The following MARCHF8 variants were observed in gnomAD, a reference collection of about 807,000 sequenced individuals.
The protein encoded by MARCHF8 is E3 ubiquitin-protein ligase MARCHF8.
In MARCHF8, 40 loss-of-function variants were observed where a neutral mutation model predicts 51.6. The ratio of observed to expected loss-of-function variants is 0.77; its 90% confidence interval spans 0.60 to 1.01. The LOEUF is 1.01. Among genes scored for constraint, MARCHF8 ranks in the 50% least tolerant of loss-of-function variants. MARCHF8 has a pLI of 0.00. For missense variants in MARCHF8, 685 were observed against 708.6 expected, an observed-to-expected ratio of 0.97 and a Z score of 0.38; for synonymous variants, 263 against 280.3, an observed-to-expected ratio of 0.94 and a Z score of 0.62.
chr10:45,518,792 C>A (rs753714651), intron 2 of MARCHF8, among the ~76,000 whole-genome samples: 31 of 152,210 alleles, frequency 2.0e-4, no homozygotes, highest in Non-Finnish European at 3.7e-4. Flanking sequence ...TGGTATGGTT[C>A]TAGAGCCCTC....
chr10:45,576,934 G>T (rs2044496354), intron 1 of MARCHF8, among the ~76,000 whole-genome samples: 1 of 147,872 alleles, frequency 6.8e-6, no homozygotes, highest in African/African-American at 2.5e-5. Context: ...TCCAGCCTGG[G>T]TGATAAAGTG....
chr10:45,511,851 G>A (rs866921345), intron 2 of MARCHF8, among the ~76,000 whole-genome samples: 123 of 151,870 alleles, frequency 8.1e-4, no homozygotes, highest in African/African-American at 2.8e-3. Flanking sequence ...AGTGAGGAGC[G>A]TCTCTGCCTG....
Position 45,457,891 on chromosome 10 carries a change from G to C in MARCHF8, c.*348C>G. 1 of 243,442 alleles carries C rather than the reference G, an allele frequency of 4.1e-6. No homozygotes were observed. The highest frequency in any genetic ancestry group is 7.8e-6 in the Non-Finnish European group (1 of 128,676). The allele number at this position is 243,442 out of a possible 1,614,324, so 15.1% of individuals were successfully genotyped here. A position where few individuals can be genotyped will look rare whatever the true frequency, so the allele number is the denominator to read the frequency against. On this transcript the variant is annotated 3_prime_UTR_variant, in exon 8 of 8. Transcript: ENST00000453424. ...GACCACTGCAAGCTGGAGGCGGCTG[G>C]GTATCAGGGCCTGGGCACCCCTGCT...
chr10:45,526,995 G>A (rs1316844694), intron 2 of MARCHF8, among the ~76,000 whole-genome samples: 2 of 152,042 alleles, frequency 1.3e-5, no homozygotes, highest in Non-Finnish European at 2.9e-5. Flanking sequence ...ACAAATACAT[G>A]GAAATTAACC....
At chr10:45,573,910 A>G (rs1354628488) in intron 1 of MARCHF8, among the ~76,000 whole-genome samples, 1 of 151,888 alleles carries the variant, frequency 6.6e-6, no homozygotes, top group Non-Finnish European at 1.5e-5. Context: ...CTTGGACAAT[A>G]CTCTTTTAAG....
rs1388610548 is a variant in MARCHF8 at position 45,464,044 on chromosome 10, T to A, written c.243-48A>T. ...AAAGCACAGAAAGTAAAAACAATTT[T>A]AAAAGAGAATAGACATCATAGTGAA... On this transcript the variant is annotated intron_variant, in intron 4 of 7. Coordinates refer to ENST00000453424, the MANE Select transcript of MARCHF8 (RefSeq NM_001282866.2). The A allele has an allele frequency of 8.0e-6, 12 of 1,503,784 alleles. No homozygotes were observed. The South Asian group carries it at 1.0e-4, about 13-fold the overall frequency. 93.2% of individuals were successfully genotyped at this position (1,503,784 alleles called of 1,614,324 possible). A position where few individuals can be genotyped will look rare whatever the true frequency, so the allele number is the denominator to read the frequency against.
At chr10:45,568,770 A>T (rs1312192884) in intron 1 of MARCHF8, among the ~76,000 whole-genome samples, 2 of 151,258 alleles carry the variant, frequency 1.3e-5, no homozygotes, top group Non-Finnish European at 2.9e-5. Context: ...GGTGAGCTTT[A>T]AAAAAATTGC....
chr10:45,459,312 G>C, intron 6 of MARCHF8, 45 bp from the exon 7 acceptor site: 1 of 1,601,428 alleles, frequency 6.2e-7, no homozygotes, highest in Middle Eastern at 1.7e-4. Flanking sequence ...TCTGGGGAAG[G>C]GCTCCGGTGG....
chr10:45,472,625 T>C (rs1369949071), intron 3 of MARCHF8, among the ~76,000 whole-genome samples: 3 of 152,358 alleles, frequency 2.0e-5, no homozygotes, highest in African/African-American at 4.8e-5. Context: ...CGCTGTATAC[T>C]TGTGGAAGAA....
At chr10:45,478,326 CAT>C (rs1310869491) in intron 3 of MARCHF8, among the ~76,000 whole-genome samples, 1 of 151,990 alleles carries the variant, frequency 6.6e-6, no homozygotes, top group Non-Finnish European at 1.5e-5. Flanking sequence ...AAGGAGAAAA[CAT>C]AAAAATGCCT....
In MARCHF8 at chr10:45,505,432, G is replaced by C. The variant is rs1026985286; in HGVS notation, c.103-16015C>G. ...GTTGCTATCGCCAAATTCTGTTACA[G>C]TTAAGTTGCTATCCATTTATTTGTT... On this transcript the variant is annotated intron_variant, in intron 2 of 7. Coordinates refer to ENST00000453424, the MANE Select transcript of MARCHF8 (RefSeq NM_001282866.2). Among the ~76,000 whole-genome samples the C allele has an allele frequency of 2.0e-5, 3 of 152,212 alleles. No homozygotes were observed. In the South Asian group the frequency reaches 6.2e-4, roughly 32 times the overall value.
At chr10:45,485,053 T>C (rs1357890054) in intron 3 of MARCHF8, among the ~76,000 whole-genome samples, 2 of 152,152 alleles carry the variant, frequency 1.3e-5, no homozygotes, top group East Asian at 3.8e-4. Context: ...GCCTGGGAAG[T>C]GGCTGGGATG....
At chr10:45,504,306 A>C (rs1008930495) in intron 2 of MARCHF8, among the ~76,000 whole-genome samples, 1 of 152,162 alleles carries the variant, frequency 6.6e-6, no homozygotes, top group Non-Finnish European at 1.5e-5. Flanking sequence ...TTAGTGGGCA[A>C]GGTGGCACAT....
At chr10:45,568,864 C>T (rs945800354) in intron 1 of MARCHF8, among the ~76,000 whole-genome samples, 12 of 151,536 alleles carry the variant, frequency 7.9e-5, no homozygotes, top group African/African-American at 2.9e-4. Flanking sequence ...GTCAGGAGAT[C>T]GAGACCATCT....
chr10:45,498,697 A>T (rs910422149), intron 2 of MARCHF8, among the ~76,000 whole-genome samples: 4 of 152,236 alleles, frequency 2.6e-5, no homozygotes, highest in Non-Finnish European at 4.4e-5. Flanking sequence ...GCTGGTCTCA[A>T]ACTCCTGACC....
intron 1 of MARCHF8, among the ~76,000 whole-genome samples, chr10:45,543,843 C>T (rs1313694506): frequency 1.4e-5 from 2 of 140,886 alleles, no homozygotes; most frequent in Non-Finnish European, 3.1e-5. Context: ...GAATAAAGAA[C>T]TCCTACGTTA....
At chr10:45,562,204 T>A (rs1402244025) in intron 1 of MARCHF8, among the ~76,000 whole-genome samples, 1 of 151,916 alleles carries the variant, frequency 6.6e-6, no homozygotes, top group Non-Finnish European at 1.5e-5. Flanking sequence ...TGGGAAACAA[T>A]ACAGAGAATA....
chr10:45,461,369 G>A lies in MARCHF8; in HGVS notation c.1131C>T (p.Thr377=). The change falls in exon 6 of 8, where the codon ACC becomes ACT. Residue 377 remains threonine, a synonymous_variant. Transcript: ENST00000453424. ...CEGDDESPLI[T]PCHCTGSLHF... ...GGAGGCTTCCTGTGCAGTGGCAGGG[G>A]GTGATCAGGGGGCTCTCATCATCTC... 1.3e-6 allele frequency: 2 copies of A among 1,597,186 alleles called. No individual in the cohort carries two copies. Among genetic ancestry groups the A allele is most frequent in the Non-Finnish European group, 1.7e-6 (2 of 1,173,106 alleles).
chr10:45,594,492 G>T (rs897386697), exon 1 of MARCHF8: 2 of 152,280 alleles, frequency 1.3e-5, no homozygotes, highest in African/African-American at 4.8e-5. Flanking sequence ...CGGCCCCAGG[G>T]GCAGACGCGA....
Sources: gnomAD v4.1 joint callset for allele counts (sites outside exome capture counted in the v4.1 genomes callset) on GRCh38, gnomAD v4.1.1 for gene constraint, MANE v1.5 for transcripts, NCBI Gene and HGNC (gene_info 2026-07-23, HGNC 2026-07-21) for gene names.